The following ANK3 variants were observed in gnomAD, a reference collection of about 807,000 sequenced individuals.
The protein encoded by ANK3 is ankyrin 3.
ANK3 carries 57 observed loss-of-function variants against 370.9 expected under a neutral mutation model. The observed-to-expected ratio is 0.15, with a 90% confidence interval of 0.12 to 0.19. The LOEUF (loss-of-function observed/expected upper bound fraction) is 0.19. Among genes scored for constraint, ANK3 ranks in the 10% least tolerant of loss-of-function variants. ANK3 has a pLI of 1.00. For synonymous variants in ANK3, 1,929 were observed against 1,946.3 expected (o/e 0.99, Z 0.23); for missense variants, 4,439 against 5,302.1 (o/e 0.84, Z 5.06).
intron 1 of ANK3, among the ~76,000 whole-genome samples, chr10:60,317,685 G>T (rs1253210112): frequency 6.6e-6 from 1 of 151,312 alleles, no homozygotes; most frequent in African/African-American, 2.4e-5. Flanking sequence ...TGTAGCTATG[G>T]CCCCAAACAT....
chr10:60,480,398 A>G (rs1271347137), intron 2 of ANK3, among the ~76,000 whole-genome samples: 1 of 152,208 alleles, frequency 6.6e-6, no homozygotes, highest in Non-Finnish European at 1.5e-5. Context: ...CACCTAATGA[A>G]TGAGATTACA....
Position 60,300,600 on chromosome 10 carries a change from C to G in ANK3, c.115-20961G>C, listed in dbSNP as rs1051824107. On this transcript the variant is annotated intron_variant, in intron 1 of 43. Coordinates refer to ENST00000280772, the MANE Select transcript of ANK3 (RefSeq NM_020987.5). ...ACCTCCCAGAATTCCCCACGACTTA[C>G]CATATTGGCTCTGTGGATTTAGTCA... is the stretch of plus-strand genomic sequence containing the variant. 20 of 1,114,964 alleles carry G rather than the reference C, an allele frequency of 1.8e-5. No individual in the cohort carries two copies. In the East Asian group the frequency reaches 1.1e-3, roughly 62 times the overall value. 69.1% of individuals were successfully genotyped at this position (1,114,964 alleles called of 1,614,324 possible).
intron 2 of ANK3, among the ~76,000 whole-genome samples, chr10:60,532,708 T>G (rs1183599107): frequency 6.6e-6 from 1 of 152,116 alleles, no homozygotes; most frequent in African/African-American, 2.4e-5. Context: ...AACACTTCTT[T>G]GGACCACAGG....
chr10:60,105,375 C>A (rs946887045), intron 28 of ANK3, among the ~76,000 whole-genome samples: 1 of 152,020 alleles, frequency 6.6e-6, no homozygotes, highest in Non-Finnish European at 1.5e-5. Flanking sequence ...ACCAGTCTTA[C>A]TAGGTCAAAG....
chr10:60,539,847 A>G (rs2076807033), intron 2 of ANK3, among the ~76,000 whole-genome samples: 1 of 151,972 alleles, frequency 6.6e-6, no homozygotes, highest in Non-Finnish European at 1.5e-5. Flanking sequence ...AGGCCCTGGT[A>G]TTATGGCAAT....
intron 2 of ANK3, among the ~76,000 whole-genome samples, chr10:60,489,962 C>T (rs573186678): frequency 5.3e-4 from 80 of 152,126 alleles, no homozygotes; most frequent in South Asian, 1.0e-3. Flanking sequence ...ACTAAGGTGA[C>T]CTTAACAAGA....
chr10:60,376,824 C>G (rs1022303306), intron 1 of ANK3, among the ~76,000 whole-genome samples: 1 of 152,106 alleles, frequency 6.6e-6, no homozygotes, highest in Non-Finnish European at 1.5e-5. Context: ...TGAAGACAAA[C>G]GAATGGGTGA....
At chr10:60,421,580 C>T (rs1337714203) in intron 2 of ANK3, among the ~76,000 whole-genome samples, 2 of 151,858 alleles carry the variant, frequency 1.3e-5, no homozygotes, top group African/African-American at 4.8e-5. Context: ...CCAGAAGGTA[C>T]TGGAGGTAGA....
chr10:60,326,232 C>G (rs1357301513), intron 1 of ANK3, among the ~76,000 whole-genome samples: 2 of 152,074 alleles, frequency 1.3e-5, no homozygotes, highest in Non-Finnish European at 2.9e-5. Context: ...CCCCATGACA[C>G]AAGTTTACAT....
In ANK3 at chr10:60,150,657, C is replaced by T. The variant is rs2095065584; in HGVS notation, c.2615-11570G>A. 2.6e-5 allele frequency among the ~76,000 whole-genome samples: 4 copies of T among 152,132 alleles called. No individual in the cohort carries two copies. The South Asian group carries it at 8.3e-4, about 32-fold the overall frequency. On this transcript the variant is annotated intron_variant, in intron 23 of 43. Coordinates refer to ENST00000280772, the MANE Select transcript of ANK3 (RefSeq NM_020987.5). ...TAAGTACTCACTCTGTTTGTCCACA[C>T]AACAGCTAGTTGGTTAAAGAGACTG...
chr10:60,198,833 G>T (rs1200645081), intron 13 of ANK3, among the ~76,000 whole-genome samples: 1 of 152,086 alleles, frequency 6.6e-6, no homozygotes, highest in Non-Finnish European at 1.5e-5. Context: ...AACTTTAATT[G>T]CTCCTTCTTT....
intron 2 of ANK3, among the ~76,000 whole-genome samples, chr10:60,552,224 A>C (rs2077103814): frequency 6.6e-6 from 1 of 152,204 alleles, no homozygotes; most frequent in Non-Finnish European, 1.5e-5. Flanking sequence ...ATTCATATTC[A>C]TTTCTTGTTA....
At chr10:60,184,077 A>G (rs1232106734) in intron 17 of ANK3, among the ~76,000 whole-genome samples, 2 of 152,186 alleles carry the variant, frequency 1.3e-5, no homozygotes, top group Non-Finnish European at 2.9e-5. Context: ...CCTTAAAAGT[A>G]CTGGGAAAGT....
intron 2 of ANK3, among the ~76,000 whole-genome samples, chr10:60,464,931 C>T (rs1215710859): frequency 6.6e-6 from 1 of 152,164 alleles, no homozygotes; most frequent in South Asian, 2.1e-4. Flanking sequence ...TTTCAGGACT[C>T]TATTTTCTAA....
chr10:60,280,674 G>C (rs1276932787), intron 1 of ANK3, among the ~76,000 whole-genome samples: 1 of 152,208 alleles, frequency 6.6e-6, no homozygotes, highest in African/African-American at 2.4e-5. Context: ...CAATACAAAA[G>C]CAGGTTTTCC....
intron 2 of ANK3, among the ~76,000 whole-genome samples, chr10:60,591,303 T>TTTTATTTTATTTA (rs2077908459): frequency 1.5e-5 from 2 of 137,562 alleles, no homozygotes; most frequent in Admixed American, 1.5e-4. Flanking sequence ...TTTATTTTTA[T>TTTTATTTTATTTA]TTTATTTATT....
intron 2 of ANK3, among the ~76,000 whole-genome samples, chr10:60,420,844 C>A (rs1306213584): frequency 6.6e-6 from 1 of 152,046 alleles, no homozygotes; most frequent in African/African-American, 2.4e-5. Flanking sequence ...CTAGCAATTG[C>A]ACTGCTAGAT....
intron 1 of ANK3, among the ~76,000 whole-genome samples, chr10:60,331,955 T>C (rs1328374885): frequency 6.7e-6 from 1 of 148,488 alleles, no homozygotes; most frequent in Non-Finnish European, 1.5e-5. Flanking sequence ...TTAGGTAACA[T>C]CTTTTTTTCT....
At chr10:60,129,094 G>C (rs1266020801) in intron 25 of ANK3, among the ~76,000 whole-genome samples, 1 of 152,180 alleles carries the variant, frequency 6.6e-6, no homozygotes, top group Non-Finnish European at 1.5e-5. Flanking sequence ...CACAGGTGTT[G>C]CTCTCAGACA....
Sources: gnomAD v4.1 joint callset for allele counts (sites outside exome capture counted in the v4.1 genomes callset) on GRCh38, gnomAD v4.1.1 for gene constraint, MANE v1.5 for transcripts, NCBI Gene and HGNC (gene_info 2026-07-23, HGNC 2026-07-21) for gene names.